DPYSL2: variants seen among roughly 807,000 people sequenced by gnomAD.
DPYSL2 encodes the protein dihydropyrimidinase-related protein 2.
DPYSL2 carries 13 observed loss-of-function variants against 69.9 expected under a neutral mutation model. That is an observed-to-expected ratio of 0.19 (90% CI 0.12 to 0.30). The LOEUF (loss-of-function observed/expected upper bound fraction) is 0.30, where lower values mean the gene tolerates loss of function less well. Ranked by LOEUF, DPYSL2 falls within the 10% of genes least tolerant of loss-of-function variation. DPYSL2 has a pLI of 1.00. For missense variants in DPYSL2, 587 were observed against 918.9 expected, an observed-to-expected ratio of 0.64 and a Z score of 4.67; for synonymous variants, 326 against 359.1, an observed-to-expected ratio of 0.91 and a Z score of 1.04.
rs773359553 is a variant in DPYSL2, at chr8:26,591,713, C to G, written c.628+7730C>G. On this transcript the variant is annotated intron_variant, in intron 3 of 13. Transcript: ENST00000521913. This position sits in a 1 kb window ranked among gnomAD's most constrained non-coding sequence, Gnocchi z 5.8. ...CTGCTCTGGTTGGAATGGTGGGTGG[C>G]AGGTGGGCTGTGGGGGAGTCCAGAT... Among the ~76,000 whole-genome samples the G allele has an allele frequency of 6.6e-6, 1 of 152,158 alleles. No individual in the cohort carries two copies. Among genetic ancestry groups the G allele is most frequent in the Non-Finnish European group, 1.5e-5 (1 of 68,006 alleles).
At chr8:26,581,435 G>A (rs368942392) in intron 1 of DPYSL2, among the ~76,000 whole-genome samples, 5 of 151,106 alleles carry the variant, frequency 3.3e-5, no homozygotes, top group Admixed American at 2.0e-4. Context: ...GTGCAGTGAC[G>A]TGATCTCGGT....
intron 3 of DPYSL2, among the ~76,000 whole-genome samples, chr8:26,601,129 A>G (rs370814215): frequency 6.6e-6 from 1 of 152,106 alleles, no homozygotes; most frequent in Non-Finnish European, 1.5e-5. Context: ...GTTTCCTTCT[A>G]CATTTGTAGT....
chr8:26,653,533 G>A lies in DPYSL2; in HGVS notation c.1942+136G>A, dbSNP rs547647901. The A allele has an allele frequency of 2.0e-6, 2 of 979,780 alleles. No homozygotes were observed. Among genetic ancestry groups the A allele is most frequent in the South Asian group, 1.6e-5 (1 of 62,076 alleles). The allele number at this position is 979,780 out of a possible 1,614,324, so 60.7% of individuals were successfully genotyped here. On this transcript the variant is annotated intron_variant, in intron 13 of 13. Coordinates refer to ENST00000521913, the MANE Select transcript of DPYSL2 (RefSeq NM_001197293.3). This position sits in a 1 kb window ranked among gnomAD's most constrained non-coding sequence, Gnocchi z 5.7. ...CTTTCTCTCCAACGTGAGAAATACAGTGGACTCAGATCTCTGGAGATGTAT... is the reference window on the plus strand; with the variant it reads ...CTTTCTCTCCAACGTGAGAAATACAATGGACTCAGATCTCTGGAGATGTAT...
chr8:26,623,436 A>G (rs1802543043), intron 3 of DPYSL2, among the ~76,000 whole-genome samples: 1 of 152,228 alleles, frequency 6.6e-6, no homozygotes, highest in Non-Finnish European at 1.5e-5. Flanking sequence ...GTTTTAAAGC[A>G]GCACAGAAAT....
Position 26,653,770 on chromosome 8 carries a change from C to G in DPYSL2, c.1942+373C>G, listed in dbSNP as rs534727837. 5.9e-5 allele frequency among the ~76,000 whole-genome samples: 9 copies of G among 152,222 alleles called. No homozygotes were observed. Among genetic ancestry groups the G allele is most frequent in the African/African-American group, 2.2e-4 (9 of 41,546 alleles). ...ACGGAGTATCACCATGTTGGCCAGG[C>G]TGATAGAACTCCTGACTTCAGGTGA... On this transcript the variant is annotated intron_variant, in intron 13 of 13. Transcript: ENST00000521913. The surrounding 1 kb of genome is among the most constrained non-coding windows in gnomAD (Gnocchi z 5.7).
intron 1 of DPYSL2, chr8:26,577,891 A>G: frequency 1.8e-6 from 2 of 1,134,496 alleles, no homozygotes; most frequent in Non-Finnish European, 2.2e-6. Flanking sequence ...CTGAGAGGAA[A>G]GGGAGTGGCT....
At position 26,648,836 on chromosome 8, in the gene DPYSL2, G is replaced by A. The variant is rs1585573394; in HGVS notation, c.1596+1036G>A. On this transcript the variant is annotated intron_variant, in intron 11 of 13. Transcript: ENST00000521913. This position sits in a 1 kb window ranked among gnomAD's most constrained non-coding sequence, Gnocchi z 4.3. Reference sequence around the variant, plus strand: ...TGCAATGGGCTCAGGCTCAGCTCTGGCTTCTGCCACCTGTGAGGACCAGGG... The same window carrying A: ...TGCAATGGGCTCAGGCTCAGCTCTGACTTCTGCCACCTGTGAGGACCAGGG... Among the ~76,000 whole-genome samples, 1 of 152,330 alleles carries A rather than the reference G, an allele frequency of 6.6e-6. No homozygotes were observed. Among genetic ancestry groups the A allele is most frequent in the Middle Eastern group, 3.4e-3 (1 of 294 alleles).
At chr8:26,563,034 A>G (rs1801098477) in intron 1 of DPYSL2, among the ~76,000 whole-genome samples, 2 of 152,110 alleles carry the variant, frequency 1.3e-5, no homozygotes, top group Non-Finnish European at 2.9e-5. Flanking sequence ...AACTCAGACC[A>G]TGCTTTCTGT....
intron 1 of DPYSL2, among the ~76,000 whole-genome samples, chr8:26,547,055 C>A (rs569370871): frequency 6.6e-6 from 1 of 151,414 alleles, no homozygotes; most frequent in Non-Finnish European, 1.5e-5. Flanking sequence ...GAGACAAGCC[C>A]ATACACAGAA....
chr8:26,578,407 T>C (rs1801409243), intron 1 of DPYSL2: 18 of 1,571,934 alleles, frequency 1.1e-5, no homozygotes, highest in Non-Finnish European at 1.5e-5. Context: ...TTTTTTTTCC[T>C]TTCTGTTGCT....
chr8:26,556,016 AT>A (rs1435697325), intron 1 of DPYSL2, among the ~76,000 whole-genome samples: 3 of 107,558 alleles, frequency 2.8e-5, no homozygotes, highest in African/African-American at 7.3e-5. Context: ...TATTATATAT[AT>A]AAATATATAT....
chr8:26,576,157 C>T (rs982787835), intron 1 of DPYSL2, among the ~76,000 whole-genome samples: 3 of 152,180 alleles, frequency 2.0e-5, no homozygotes, highest in Non-Finnish European at 2.9e-5. Context: ...CCTACGGCTA[C>T]TTTCTGGGAC....
chr8:26,520,188 A>G (rs750537332), intron 1 of DPYSL2, among the ~76,000 whole-genome samples: 15 of 152,276 alleles, frequency 9.9e-5, no homozygotes, highest in Admixed American at 3.3e-4. Context: ...ACCATCTGCC[A>G]TGATTGTGAG....
chr8:26,657,502 G>A lies in DPYSL2; in HGVS notation c.*1796G>A, dbSNP rs1166934188. 6.6e-6 allele frequency: 1 copy of A among 152,526 alleles called. No individual in the cohort carries two copies. The highest frequency in any genetic ancestry group is 2.4e-5 in the African/African-American group (1 of 41,392). 9.4% of individuals were successfully genotyped at this position (152,526 alleles called of 1,614,324 possible). ...CCACCCTTGTCTCTCTACACATTTT[G>A]CCTTTGGGGATCTGGTTGGGGTTTT... On this transcript the variant is annotated 3_prime_UTR_variant, in exon 14 of 14. Coordinates refer to ENST00000521913, the MANE Select transcript of DPYSL2 (RefSeq NM_001197293.3).
intron 1 of DPYSL2, among the ~76,000 whole-genome samples, chr8:26,579,048 C>G (rs925568070): frequency 1.3e-5 from 2 of 152,222 alleles, no homozygotes; most frequent in Admixed American, 1.3e-4. Flanking sequence ...CCCCTTCTGC[C>G]GCTCAGGAGG....
At chr8:26,555,163 G>A (rs1453045593) in intron 1 of DPYSL2, among the ~76,000 whole-genome samples, 1 of 152,018 alleles carries the variant, frequency 6.6e-6, no homozygotes, top group Non-Finnish European at 1.5e-5. Context: ...TTTATGGTGA[G>A]AAACCATAAA....
chr8:26,558,505 T>G (rs34936200), intron 1 of DPYSL2, among the ~76,000 whole-genome samples: 166 of 152,324 alleles, frequency 1.1e-3, no homozygotes, highest in Non-Finnish European at 1.8e-3. Context: ...CAAGATACTG[T>G]GGTGGTGGAT....
intron 1 of DPYSL2, among the ~76,000 whole-genome samples, chr8:26,573,697 C>T (rs564685088): frequency 6.8e-6 from 1 of 145,986 alleles, no homozygotes; most frequent in Admixed American, 6.9e-5. Context: ...ATTACCTGGG[C>T]GTGGTGGTGG....
At chr8:26,636,358 T>A (rs534955993) in intron 8 of DPYSL2, among the ~76,000 whole-genome samples, 1 of 152,078 alleles carries the variant, frequency 6.6e-6, no homozygotes, top group Non-Finnish European at 1.5e-5. Flanking sequence ...CCCCACGTAG[T>A]GTGGGGATGG....
Sources: gnomAD v4.1 joint callset for allele counts (sites outside exome capture counted in the v4.1 genomes callset) on GRCh38, gnomAD v4.1.1 for gene constraint, Gnocchi (gnomAD v3.1) non-coding constraint, MANE v1.5 for transcripts, NCBI Gene and HGNC (gene_info 2026-07-23, HGNC 2026-07-21) for gene names.